The following ABCA13 variants were observed in gnomAD, a reference collection of about 807,000 sequenced individuals.
ABCA13 encodes the protein ATP-binding cassette sub-family A member 13.
Under a neutral mutation model 478.7 loss-of-function variants are expected in ABCA13, and 476 were observed. That is an observed-to-expected ratio of 0.99 (90% CI 0.92 to 1.07). The LOEUF is 1.07. Ranked by LOEUF, ABCA13 falls within the 50% of genes least tolerant of loss-of-function variation. The pLI, the probability that ABCA13 is intolerant of heterozygous loss-of-function variation, is 0.00. For missense variants in ABCA13, 6,060 were observed against 5,910.6 expected (o/e 1.03, Z -0.83); for synonymous variants, 2,252 against 2,158.9 (o/e 1.04, Z -1.20).
chr7:48,368,947 A>T (rs1812206241), intron 32 of ABCA13, among the ~76,000 whole-genome samples: 1 of 151,828 alleles, frequency 6.6e-6, no homozygotes, highest in Admixed American at 6.6e-5. Context: ...CAAATGGTAG[A>T]TCTACTTTTA....
chr7:48,441,818 A>G (rs1211197730), intron 42 of ABCA13, among the ~76,000 whole-genome samples: 2 of 152,196 alleles, frequency 1.3e-5, no homozygotes, highest in African/African-American at 4.8e-5. Flanking sequence ...CAGTGTTGAG[A>G]GCCCTGTTAC....
chr7:48,523,955 C>T (rs889450792), intron 53 of ABCA13, among the ~76,000 whole-genome samples: 1 of 152,112 alleles, frequency 6.6e-6, no homozygotes. Flanking sequence ...ACATTTAGTA[C>T]AATTAATCTG....
intron 3 of ABCA13, among the ~76,000 whole-genome samples, chr7:48,210,813 G>A (rs1350475651): frequency 1.3e-5 from 2 of 152,194 alleles, no homozygotes; most frequent in South Asian, 2.1e-4. Context: ...TGCAGATTCT[G>A]TAGCTGTTGG....
Position 48,422,073 on chromosome 7 carries a change from A to G in ABCA13, c.12460-5693A>G, listed in dbSNP as rs1338950114. Among the ~76,000 whole-genome samples the G allele has an allele frequency of 7.4e-3, 1,043 of 141,644 alleles. 21 individuals are homozygous for G. The highest frequency in any genetic ancestry group is 0.027 in the African/African-American group (996 of 36,684). The allele number at this position is 141,644 out of a possible 152,430, so 92.9% of individuals were successfully genotyped here. A position where few individuals can be genotyped will look rare whatever the true frequency, so the allele number is the denominator to read the frequency against. On this transcript the variant is annotated intron_variant, in intron 41 of 61. Coordinates refer to ENST00000435803, the MANE Select transcript of ABCA13 (RefSeq NM_152701.5). ...TTTCTTACAAAAAAAAAAAAAAAAA[A>G]AAAAAAAAAAAGAAAAAAGGAAAGA... is the stretch of plus-strand genomic sequence containing the variant.
intron 55 of ABCA13, among the ~76,000 whole-genome samples, chr7:48,562,958 G>GTA (rs57646990): frequency 3.5e-4 from 53 of 150,408 alleles, no homozygotes; most frequent in South Asian, 1.3e-3. Flanking sequence ...ATGTATGTGT[G>GTA]TATATATATA....
chr7:48,362,409 C>CTTTTTTTTTTTTT (rs35795708), intron 31 of ABCA13, among the ~76,000 whole-genome samples: 5 of 86,006 alleles, frequency 5.8e-5, no homozygotes, highest in Non-Finnish European at 6.7e-5. Flanking sequence ...TCCTCTTCTT[C>CTTTTTTTTTTTTT]TTTTTTTTTT....
chr7:48,340,366 A>G (rs1806954182), intron 29 of ABCA13, among the ~76,000 whole-genome samples: 1 of 152,152 alleles, frequency 6.6e-6, no homozygotes. Context: ...TCGGCCTCCC[A>G]AAGTGCTGGG....
chr7:48,416,937 T>C (rs531654201), intron 41 of ABCA13, among the ~76,000 whole-genome samples: 3 of 148,456 alleles, frequency 2.0e-5, no homozygotes, highest in African/African-American at 7.5e-5. Flanking sequence ...TCACTGCATA[T>C]ACCTTTTTTT....
Position 48,271,940 on chromosome 7 carries a change from C to T in ABCA13, c.2274C>T (p.His758=). ...LFDSSIVPSF[H]SLPSLTEDIL... is the part of the protein sequence containing the mutation. Reference sequence around the variant, plus strand: ...ACTCCTCCATTGTTCCCAGTTTCCACAGCCTCCCATCTCTCACAGAGGATA... The same window carrying T: ...ACTCCTCCATTGTTCCCAGTTTCCATAGCCTCCCATCTCTCACAGAGGATA... Residue 758 remains histidine (H), a synonymous_variant, in exon 17 of 62, where the codon CAC becomes CAT. Coordinates refer to ENST00000435803, the MANE Select transcript of ABCA13 (RefSeq NM_152701.5). The T allele has an allele frequency of 1.2e-6, 2 of 1,613,632 alleles. No homozygotes were observed. The highest frequency in any genetic ancestry group is 1.1e-5 in the South Asian group (1 of 91,030).
chr7:48,551,286 T>TA (rs1311740438), intron 55 of ABCA13, among the ~76,000 whole-genome samples: 1 of 151,912 alleles, frequency 6.6e-6, no homozygotes, highest in East Asian at 1.9e-4. Flanking sequence ...TAGAGTGAGC[T>TA]ATCATTTTGA....
rs1302361152 is a variant in ABCA13 at position 48,272,980 on chromosome 7, A to G, written c.3314A>G (p.Lys1105Arg). Residue 1105 changes from lysine to arginine, a missense_variant, in exon 17 of 62, where the codon AAA (lysine) becomes AGA (arginine). Physicochemically the swap from Lys to Arg is conservative, Grantham distance 26. Around this residue, in one of 3 missense-constraint regions of ABCA13, gnomAD observed 4,423 missense variants for 4,309.1 expected, o/e 1.03. Coordinates refer to ENST00000435803, the MANE Select transcript of ABCA13 (RefSeq NM_152701.5). ...LDNKCLISDN[K>R]HISSVNYSTS... Reference sequence around the variant, plus strand: ...AATAAATGCTTGATTTCGGACAATAAACACATTTCTTCCGTAAATTATTCA... The same window carrying G: ...AATAAATGCTTGATTTCGGACAATAGACACATTTCTTCCGTAAATTATTCA... 6.2e-7 allele frequency: 1 copy of G among 1,613,570 alleles called. No homozygotes were observed. Among genetic ancestry groups the G allele is most frequent in the Non-Finnish European group, 8.5e-7 (1 of 1,179,706 alleles).
At chr7:48,256,779 C>A (rs564310600) in intron 15 of ABCA13, among the ~76,000 whole-genome samples, 1 of 152,258 alleles carries the variant, frequency 6.6e-6, no homozygotes, top group African/African-American at 2.4e-5. Flanking sequence ...CTTTTGCTTA[C>A]GATTGCCTTG....
intron 41 of ABCA13, among the ~76,000 whole-genome samples, chr7:48,420,586 A>G (rs1820609305): frequency 6.6e-6 from 1 of 152,182 alleles, no homozygotes; most frequent in African/African-American, 2.4e-5. Flanking sequence ...CTTTCCTTCC[A>G]GCTTGCTAAA....
chr7:48,271,871 A>T lies in ABCA13; in HGVS notation c.2205A>T (p.Ser735=), dbSNP rs372427380. 10 of 1,606,990 alleles carry T rather than the reference A, an allele frequency of 6.2e-6. No individual in the cohort carries two copies. Among genetic ancestry groups the T allele is most frequent in the Non-Finnish European group, 8.5e-6 (10 of 1,176,286 alleles). The change falls in exon 17 of 62, where the codon TCA becomes TCT. Residue 735 remains serine, a synonymous_variant. Coordinates refer to ENST00000435803, the MANE Select transcript of ABCA13 (RefSeq NM_152701.5). ...ATGAACAAATGAACTTTCTTTTATC[A>T]TTTGTGGAATTTTTTGAGAAATTAT... ...LEDEQMNFLL[S]FVEFFEKLLL... is the part of the protein sequence containing the mutation.
chr7:48,376,422 A>G lies in ABCA13; in HGVS notation c.11204-19A>G. The G allele has an allele frequency of 1.2e-6, 2 of 1,611,658 alleles. No homozygotes were observed. Among genetic ancestry groups the G allele is most frequent in the Non-Finnish European group, 1.7e-6 (2 of 1,178,990 alleles). On this transcript the variant is annotated intron_variant, in intron 34 of 61. Transcript: ENST00000435803. ...AAGAGCTTGTGCAGTTCTAACTCTG[A>G]CCTTTTTCTTCCTGCTAGGGATTCA...
At chr7:48,265,704 T>TAA (rs1435929648) in intron 15 of ABCA13, among the ~76,000 whole-genome samples, 1 of 151,738 alleles carries the variant, frequency 6.6e-6, no homozygotes, top group Non-Finnish European at 1.5e-5. Flanking sequence ...TAAATCATGT[T>TAA]ATCTGTGAAT....
At chr7:48,412,863 G>A (rs770491270) in intron 41 of ABCA13, among the ~76,000 whole-genome samples, 3 of 151,166 alleles carry the variant, frequency 2.0e-5, no homozygotes, top group African/African-American at 4.9e-5. Flanking sequence ...GCAGGCTGGA[G>A]TGCAGTGGCG....
chr7:48,617,242 G>A (rs1046046410), intron 59 of ABCA13, among the ~76,000 whole-genome samples: 7 of 152,144 alleles, frequency 4.6e-5, no homozygotes, highest in African/African-American at 1.2e-4. Flanking sequence ...TTTCTCTGAC[G>A]TGGAGGTGTT....
At chr7:48,482,963 T>G in intron 46 of ABCA13, 113 bp from the exon 47 acceptor site, 1 of 744,706 alleles carries the variant, frequency 1.3e-6, no homozygotes, top group Non-Finnish European at 2.1e-6. Flanking sequence ...AGATGCTCAG[T>G]TGGCTACTGT....
Sources: allele counts gnomAD v4.1 joint callset (sites outside exome capture counted in the v4.1 genomes callset), GRCh38; gene constraint gnomAD v4.1.1; regional missense constraint gnomAD v4.1.1; transcripts MANE v1.5; gene names NCBI Gene and HGNC (gene_info 2026-07-23, HGNC 2026-07-21).